Variants in STXBP5L observed in about 807,000 individuals in gnomAD.
The protein encoded by STXBP5L is syntaxin-binding protein 5-like.
STXBP5L carries 65 observed loss-of-function variants against 144.5 expected under a neutral mutation model. That is an observed-to-expected ratio of 0.45 (90% CI 0.37 to 0.55). The LOEUF is 0.55. Ranked by LOEUF, STXBP5L falls within the 20% of genes least tolerant of loss-of-function variation. The pLI, the probability that STXBP5L is intolerant of heterozygous loss-of-function variation, is 0.00. For synonymous variants in STXBP5L, 505 were observed against 469.6 expected, an observed-to-expected ratio of 1.08 and a Z score of -0.97; for missense variants, 1,298 against 1,405.5, an observed-to-expected ratio of 0.92 and a Z score of 1.22.
At chr3:121,038,851 C>T (rs1946944352) in intron 3 of STXBP5L, among the ~76,000 whole-genome samples, 1 of 151,686 alleles carries the variant, frequency 6.6e-6, no homozygotes, top group Admixed American at 6.6e-5. Flanking sequence ...CCACCTTTAA[C>T]CCCGGTAATG....
chr3:121,259,264 C>A, intron 18 of STXBP5L, 96 bp downstream of exon 18: 1 of 957,504 alleles, frequency 1.0e-6, no homozygotes, highest in South Asian at 4.3e-5. Context: ...GAAAAGAAGC[C>A]CTTACCTGGA....
In STXBP5L at chr3:121,180,807, C is replaced by T. The variant is rs578040616; in HGVS notation, c.877+23180C>T. The stretch of plus-strand genomic sequence containing the variant: ...GAGAATCACTTGAACCTAGGAGGTG[C>T]GGTTGCAGTGAGCCAAAATCGTGCC... On this transcript the variant is annotated intron_variant, in intron 9 of 26. Transcript: ENST00000471454. Among the ~76,000 whole-genome samples, 25 of 152,076 alleles carry T rather than the reference C, an allele frequency of 1.6e-4. No homozygotes were observed. In the South Asian group the frequency reaches 2.3e-3, roughly 14 times the overall value.
At chr3:121,065,901 T>C (rs1433931528) in intron 5 of STXBP5L, among the ~76,000 whole-genome samples, 1 of 152,156 alleles carries the variant, frequency 6.6e-6, no homozygotes, top group Admixed American at 6.5e-5. Flanking sequence ...GGGCCTCAAC[T>C]TTTTGCCGGC....
intron 5 of STXBP5L, among the ~76,000 whole-genome samples, chr3:121,082,346 T>A (rs112093010): frequency 6.6e-6 from 1 of 152,184 alleles, no homozygotes; most frequent in African/African-American, 2.4e-5. Context: ...GATCTATACC[T>A]ATGTATTTTT....
rs1006634170 is a variant in STXBP5L at position 121,121,224 on chromosome 3, C to A, written c.606-417C>A. Among the ~76,000 whole-genome samples the A allele has an allele frequency of 2.6e-5, 4 of 151,080 alleles. No individual in the cohort carries two copies. In the East Asian group the frequency reaches 7.7e-4, roughly 29 times the overall value. On this transcript the variant is annotated intron_variant, in intron 6 of 26. Coordinates refer to ENST00000471454, the MANE Select transcript of STXBP5L (RefSeq NM_001308330.2). ...AGGGGAAAATAATCAGAGGAGATTT[C>A]GTGTAAAAGGAAATCTTAAATCAGG...
At chr3:121,207,272 T>C (rs2048371661) in intron 10 of STXBP5L, among the ~76,000 whole-genome samples, 1 of 144,500 alleles carries the variant, frequency 6.9e-6, no homozygotes, top group South Asian at 2.2e-4. Flanking sequence ...GAAAACTGGC[T>C]AGCCATATGT....
At chr3:121,120,488 C>T (rs1187153621) in intron 6 of STXBP5L, among the ~76,000 whole-genome samples, 1 of 151,196 alleles carries the variant, frequency 6.6e-6, no homozygotes, top group Non-Finnish European at 1.5e-5. Context: ...ATTGAATGCA[C>T]ACTATGTTTT....
chr3:120,995,362 G>A (rs1270741958), intron 3 of STXBP5L, among the ~76,000 whole-genome samples: 1 of 152,034 alleles, frequency 6.6e-6, no homozygotes, highest in Non-Finnish European at 1.5e-5. Context: ...CAACCAGGCT[G>A]ATCTTGAACT....
intron 3 of STXBP5L, among the ~76,000 whole-genome samples, chr3:120,998,534 C>G (rs535316572): frequency 5.6e-4 from 85 of 152,262 alleles, no homozygotes; most frequent in South Asian, 2.3e-3. Context: ...CCTCCCCTAG[C>G]TGACCATTCC....
Position 121,152,529 on chromosome 3 carries a change from A to G in STXBP5L, c.722A>G (p.Lys241Arg), listed in dbSNP as rs1259325673. Residue 241 changes from lysine to arginine, a missense_variant, in exon 8 of 27, where the codon AAA (lysine) becomes AGA (arginine). By Grantham distance (26) the Lys-to-Arg change is conservative (BLOSUM62 2). Transcript: ENST00000471454. Reference protein sequence around the residue: ...GTVVFWDLKSKRAELRVYYDE... With the variant: ...GTVVFWDLKSRRAELRVYYDE... ...GTAGTATTCTGGGACTTGAAATCTA[A>G]AAGAGCAGAACTGAGAGTTTATTAT... 1.9e-6 allele frequency: 3 copies of G among 1,609,054 alleles called. No homozygotes were observed. Among genetic ancestry groups the G allele is most frequent in the Admixed American group, 3.4e-5 (2 of 58,898 alleles).
At chr3:121,261,250 T>A (rs922008747) in intron 18 of STXBP5L, among the ~76,000 whole-genome samples, 6 of 152,104 alleles carry the variant, frequency 3.9e-5, no homozygotes, top group African/African-American at 1.2e-4. Flanking sequence ...AACTGACACT[T>A]GTATGAAAAT....
Position 121,381,517 on chromosome 3 carries a change from A to G in STXBP5L, c.2572A>G (p.Met858Val), listed in dbSNP as rs940416544. ...TGAACAAAGGTTTACAGAGCCAGTC[A>G]TGGTATTGCCAAGTGGTAAGAGTTT... ...ADEQRFTEPV[M>V]VLPSGTFLSL... Residue 858 changes from methionine (M) to valine (V), a missense_variant, in exon 22 of 27, where the codon ATG (methionine) becomes GTG (valine). Transcript: ENST00000471454. 32 of 1,592,792 alleles carry G rather than the reference A, an allele frequency of 2.0e-5. No homozygotes were observed. Among genetic ancestry groups the G allele is most frequent in the Non-Finnish European group, 2.6e-5 (31 of 1,174,182 alleles).
intron 2 of STXBP5L, among the ~76,000 whole-genome samples, chr3:120,929,698 C>T (rs1258477649): frequency 6.6e-6 from 1 of 152,034 alleles, no homozygotes; most frequent in African/African-American, 2.4e-5. Flanking sequence ...TGTTGAATTA[C>T]TTTCTAAAAG....
At chr3:120,986,228 C>A (rs775215233) in intron 3 of STXBP5L, among the ~76,000 whole-genome samples, 2 of 151,872 alleles carry the variant, frequency 1.3e-5, no homozygotes, top group Admixed American at 6.6e-5. Context: ...TTTCTAACTT[C>A]ATCCCATTGT....
chr3:121,211,578 CTTTT>C (rs1188424283), intron 10 of STXBP5L, among the ~76,000 whole-genome samples: 2 of 110,256 alleles, frequency 1.8e-5, no homozygotes, highest in African/African-American at 7.0e-5. Flanking sequence ...TTTTTTCTTT[CTTTT>C]TTTTTTTTTT....
rs556284710 is a variant in STXBP5L at position 121,395,986 on chromosome 3, C to A, written c.2588-11257C>A. ...AAGTTTCAGGTGTCTTGATGGTATCCAAATTGGCTGTTGATTTTGGCCTGG... is the reference window on the plus strand; with the variant it reads ...AAGTTTCAGGTGTCTTGATGGTATCAAAATTGGCTGTTGATTTTGGCCTGG... On this transcript the variant is annotated intron_variant, in intron 22 of 26. Coordinates refer to ENST00000471454, the MANE Select transcript of STXBP5L (RefSeq NM_001308330.2). Among the ~76,000 whole-genome samples the A allele has an allele frequency of 2.8e-3, 424 of 152,340 alleles. 3 individuals carry two copies. The highest frequency in any genetic ancestry group is 9.0e-3 in the African/African-American group (375 of 41,580).
chr3:121,397,584 C>A (rs993508059), intron 22 of STXBP5L, among the ~76,000 whole-genome samples: 11 of 152,138 alleles, frequency 7.2e-5, no homozygotes, highest in East Asian at 5.8e-4. Flanking sequence ...GTGGGAACAT[C>A]GTCTTTCCAC....
At chr3:121,255,367 AT>A (rs1475352362) in intron 16 of STXBP5L, among the ~76,000 whole-genome samples, 4 of 152,090 alleles carry the variant, frequency 2.6e-5, no homozygotes, top group Non-Finnish European at 5.9e-5. Flanking sequence ...ATTTAAGTTA[AT>A]CTTGTTACAA....
At chr3:121,400,231 A>G (rs1169515177) in intron 22 of STXBP5L, among the ~76,000 whole-genome samples, 1 of 152,084 alleles carries the variant, frequency 6.6e-6, no homozygotes, top group East Asian at 1.9e-4. Flanking sequence ...CCTACCTCTC[A>G]CCCAGGCGAT....
Sources: allele counts gnomAD v4.1 joint callset (sites outside exome capture counted in the v4.1 genomes callset), GRCh38; gene constraint gnomAD v4.1.1; transcripts MANE v1.5; gene names NCBI Gene and HGNC (gene_info 2026-07-23, HGNC 2026-07-21).